The following CELF2 variants were observed in gnomAD, a reference collection of about 807,000 sequenced individuals.
CELF2 encodes the protein CUG triplet repeat RNA-binding protein 2.
Under a neutral mutation model 62.6 loss-of-function variants are expected in CELF2, and 8 were observed. The ratio of observed to expected loss-of-function variants is 0.13; its 90% confidence interval spans 0.07 to 0.23. The LOEUF (loss-of-function observed/expected upper bound fraction) is 0.23. CELF2 is among the 10% of genes least tolerant of loss of function. The pLI, the probability that CELF2 is intolerant of heterozygous loss-of-function variation, is 1.00. For missense variants in CELF2, 333 were observed against 671.0 expected, an observed-to-expected ratio of 0.50 and a Z score of 5.56; for synonymous variants, 258 against 250.0, an observed-to-expected ratio of 1.03 and a Z score of -0.30.
rs139596540 is a variant in CELF2, at chr10:11,223,154, C to G, written c.354+5647C>G. Among the ~76,000 whole-genome samples, 1 of 152,104 alleles carries G rather than the reference C, an allele frequency of 6.6e-6. No homozygotes were observed. Among genetic ancestry groups the G allele is most frequent in the African/African-American group, 2.4e-5 (1 of 41,394 alleles). Reference sequence around the variant, plus strand: ...TCCGGATCATGGCAGATTCATGGTGCGTGTTAGAGAGGGTGCTTGAGAAAT... The same window carrying G: ...TCCGGATCATGGCAGATTCATGGTGGGTGTTAGAGAGGGTGCTTGAGAAAT... On this transcript the variant is annotated intron_variant, in intron 3 of 12. Coordinates refer to ENST00000633077, the MANE Select transcript of CELF2 (RefSeq NM_001326342.2). This position sits in a 1 kb window ranked among gnomAD's most constrained non-coding sequence, Gnocchi z 5.1.
the CELF2 span, among the ~76,000 whole-genome samples, chr10:10,477,618 C>A: frequency 2.0e-5 from 3 of 151,986 alleles, no homozygotes; most frequent in African/African-American, 7.3e-5. Flanking sequence ...TGACCTAATG[C>A]CCCTAAAAAG....
rs2140000428 is a variant in CELF2, at chr10:11,296,906, T to C, written c.976+8354T>C. Among the ~76,000 whole-genome samples, 1 of 152,314 alleles carries C rather than the reference T, an allele frequency of 6.6e-6. No individual in the cohort carries two copies. Among genetic ancestry groups the C allele is most frequent in the South Asian group, 2.1e-4 (1 of 4,822 alleles). ...GCAGAAATAGCATTTAATCAGCAAATGGAAGTTCATCTCACTTTTCACAAG... is the reference window on the plus strand; with the variant it reads ...GCAGAAATAGCATTTAATCAGCAAACGGAAGTTCATCTCACTTTTCACAAG... On this transcript the variant is annotated intron_variant, in intron 9 of 12. Coordinates refer to ENST00000633077, the MANE Select transcript of CELF2 (RefSeq NM_001326342.2). This position sits in a 1 kb window ranked among gnomAD's most constrained non-coding sequence, Gnocchi z 5.0.
At chr10:10,542,262 G>C in the CELF2 span, among the ~76,000 whole-genome samples, 20 of 152,156 alleles carry the variant, frequency 1.3e-4, no homozygotes, top group Admixed American at 1.2e-3. Flanking sequence ...ATAGAGGGTT[G>C]AGTAACTCAC....
chr10:11,041,131 A>G (rs1408283872), intron 1 of CELF2, among the ~76,000 whole-genome samples: 1 of 152,212 alleles, frequency 6.6e-6, no homozygotes, highest in Non-Finnish European at 1.5e-5. Flanking sequence ...ACATGGTTCA[A>G]AAAAGTTGTA....
the CELF2 span, among the ~76,000 whole-genome samples, chr10:10,733,783 C>G: frequency 1.3e-5 from 2 of 152,134 alleles, no homozygotes. Context: ...ACAATTCAAT[C>G]GTCTCCCACT....
chr10:10,901,110 A>G (rs1170544224), intron 1 of CELF2, among the ~76,000 whole-genome samples: 3 of 152,234 alleles, frequency 2.0e-5, no homozygotes, highest in Admixed American at 6.5e-5. Context: ...TCTCCCCAAA[A>G]GGGATCTGTA....
chr10:10,623,809 A>C, the CELF2 span, among the ~76,000 whole-genome samples: 1 of 152,180 alleles, frequency 6.6e-6, no homozygotes, highest in African/African-American at 2.4e-5. Flanking sequence ...CCTTACCGCA[A>C]ATCTTCGAAA....
chr10:10,546,208 C>T, the CELF2 span, among the ~76,000 whole-genome samples: 18 of 152,262 alleles, frequency 1.2e-4, no homozygotes, highest in Admixed American at 2.6e-4. Flanking sequence ...CCCTGCCTGC[C>T]GATAACCATA....
the CELF2 span, among the ~76,000 whole-genome samples, chr10:10,568,502 T>C: frequency 6.6e-6 from 1 of 152,196 alleles, no homozygotes; most frequent in East Asian, 1.9e-4. Flanking sequence ...TAACATTTTT[T>C]GTTACTATCT....
the CELF2 span, among the ~76,000 whole-genome samples, chr10:10,541,329 C>A: frequency 1.3e-5 from 2 of 151,614 alleles, no homozygotes; most frequent in African/African-American, 4.8e-5. Flanking sequence ...AGGGGCTCCA[C>A]ATCCAGGCTT....
the CELF2 span, among the ~76,000 whole-genome samples, chr10:10,757,135 C>G: frequency 6.6e-6 from 1 of 151,654 alleles, no homozygotes; most frequent in Non-Finnish European, 1.5e-5. Context: ...GAGGGGGACT[C>G]TGTCTCAAAA....
At chr10:10,497,317 A>G in the CELF2 span, among the ~76,000 whole-genome samples, 1 of 152,116 alleles carries the variant, frequency 6.6e-6, no homozygotes, top group East Asian at 1.9e-4. Context: ...GCAACAGAGG[A>G]AGAGAAACAA....
chr10:10,607,909 C>A, the CELF2 span, among the ~76,000 whole-genome samples: 1 of 151,762 alleles, frequency 6.6e-6, no homozygotes, highest in African/African-American at 2.4e-5. Flanking sequence ...GGTGGATCAC[C>A]TGAGGTCAGG....
intron 9 of CELF2, among the ~76,000 whole-genome samples, chr10:11,299,240 G>A (rs1340056749): frequency 6.6e-6 from 1 of 152,210 alleles, no homozygotes; most frequent in Admixed American, 6.5e-5. Flanking sequence ...TTTGTATCTC[G>A]GGCCACACGG....
rs184837374 is a variant in CELF2, at chr10:11,176,466, A to G, written c.271+10784A>G. ...GCACCAAAGAGTGACTGATAGTGTT[A>G]ACCATCACAGGAGACATGTATGTAT... On this transcript the variant is annotated intron_variant, in intron 2 of 12. Coordinates refer to ENST00000633077, the MANE Select transcript of CELF2 (RefSeq NM_001326342.2). 6.2e-4 allele frequency among the ~76,000 whole-genome samples: 94 copies of G among 152,308 alleles called. No individual in the cohort carries two copies. In the East Asian group the frequency reaches 0.014, roughly 22 times the overall value.
At position 10,953,673 on chromosome 10, in the gene CELF2, C is replaced by T. The variant is rs558534903; in HGVS notation, c.89+33674C>T. On this transcript the variant is annotated intron_variant, in intron 2 of 13. Coordinates refer to the CELF2 transcript ENST00000636488. Reference sequence around the variant, plus strand: ...AGAAGGAACCATGGGAGAATTCTTTCATGATATCAGAATGGGAAAGCCTTT... The same window carrying T: ...AGAAGGAACCATGGGAGAATTCTTTTATGATATCAGAATGGGAAAGCCTTT... 5.9e-5 allele frequency among the ~76,000 whole-genome samples: 9 copies of T among 152,188 alleles called. No homozygotes were observed. In the South Asian group the frequency reaches 1.9e-3, roughly 32 times the overall value.
At chr10:10,632,880 C>T in the CELF2 span, among the ~76,000 whole-genome samples, 1 of 152,110 alleles carries the variant, frequency 6.6e-6, no homozygotes, top group African/African-American at 2.4e-5. Flanking sequence ...TTATGTATAT[C>T]AATATTTGCA....
At position 11,243,984 on chromosome 10, in the gene CELF2, C is replaced by T. The variant is rs902890423; in HGVS notation, c.355-5169C>T. On this transcript the variant is annotated intron_variant, in intron 3 of 12. Coordinates refer to ENST00000633077, the MANE Select transcript of CELF2 (RefSeq NM_001326342.2). The surrounding 1 kb of genome is among the most constrained non-coding windows in gnomAD (Gnocchi z 4.1). The stretch of plus-strand genomic sequence containing the variant: ...CCACACAGTAGGTAGATTGAATTAG[C>T]GACCACCACATCACCTGGGCCCTCC... 5.3e-5 allele frequency among the ~76,000 whole-genome samples: 8 copies of T among 152,178 alleles called. No individual in the cohort carries two copies. Among genetic ancestry groups the T allele is most frequent in the Non-Finnish European group, 1.0e-4 (7 of 68,026 alleles).
In CELF2 at chr10:11,175,847, A is replaced by G. The variant is rs527750700; in HGVS notation, c.271+10165A>G. ...GGGTGCCTACTGTGTGCAAGGCATC[A>G]TTCTCAGTGCTGAGAACATAAAGAT... On this transcript the variant is annotated intron_variant, in intron 2 of 12. Coordinates refer to ENST00000633077, the MANE Select transcript of CELF2 (RefSeq NM_001326342.2). Among the ~76,000 whole-genome samples, 4 of 152,354 alleles carry G rather than the reference A, an allele frequency of 2.6e-5. No homozygotes were observed. The East Asian group carries it at 7.7e-4, about 29-fold the overall frequency.
Sources: allele counts gnomAD v4.1 joint callset (sites outside exome capture counted in the v4.1 genomes callset), GRCh38; gene constraint gnomAD v4.1.1; non-coding constraint Gnocchi (gnomAD v3.1); transcripts MANE v1.5; gene names NCBI Gene and HGNC (gene_info 2026-07-23, HGNC 2026-07-21).